The following SLC4A4 variants were observed in gnomAD, a reference collection of about 807,000 sequenced individuals.
SLC4A4 encodes electrogenic sodium bicarbonate cotransporter 1.
In SLC4A4, 27 loss-of-function variants were observed where a neutral mutation model predicts 111.5. The ratio of observed to expected loss-of-function variants is 0.24; its 90% CI spans 0.18 to 0.33. The LOEUF is 0.33. SLC4A4 is among the 10% of genes least tolerant of loss of function. The pLI, the probability that SLC4A4 is intolerant of heterozygous loss-of-function variation, is 1.00. For synonymous variants in SLC4A4, 443 were observed against 463.4 expected, an observed-to-expected ratio of 0.96 and a Z score of 0.57; for missense variants, 909 against 1,315.5, an observed-to-expected ratio of 0.69 and a Z score of 4.78.
chr4:71,526,552 T>G (rs1187629565), intron 16 of SLC4A4, among the ~76,000 whole-genome samples: 1 of 152,140 alleles, frequency 6.6e-6, no homozygotes, highest in Non-Finnish European at 1.5e-5. Flanking sequence ...TATATACATA[T>G]GTATTATGTA....
At chr4:71,444,087 G>A (rs1407008977) in intron 8 of SLC4A4, among the ~76,000 whole-genome samples, 2 of 152,174 alleles carry the variant, frequency 1.3e-5, no homozygotes, top group Non-Finnish European at 2.9e-5. Flanking sequence ...ATAAAGGATT[G>A]GTACATGCTG....
intron 2 of SLC4A4, among the ~76,000 whole-genome samples, chr4:71,178,555 C>T (rs1464713040): frequency 6.6e-6 from 1 of 152,142 alleles, no homozygotes; most frequent in Non-Finnish European, 1.5e-5. Context: ...TACAAACTAC[C>T]ATCAGAGAAT....
At chr4:71,567,765 T>TA (rs1248778347) in intron 25 of SLC4A4, 23 bp from the exon 26 acceptor site, 1 of 956,740 alleles carries the variant, frequency 1.0e-6, no homozygotes, top group Admixed American at 3.1e-5. Flanking sequence ...TACTTACTAC[T>TA]TTTTTTTTTC....
chr4:71,350,845 A>C (rs1418301657), intron 5 of SLC4A4, among the ~76,000 whole-genome samples: 6 of 152,172 alleles, frequency 3.9e-5, no homozygotes, highest in African/African-American at 1.4e-4. Flanking sequence ...CCATAATCCC[A>C]GGGTAGGCAC....
At chr4:71,332,540 G>T (rs371454853) in intron 3 of SLC4A4, among the ~76,000 whole-genome samples, 2 of 151,458 alleles carry the variant, frequency 1.3e-5, no homozygotes, top group African/African-American at 4.8e-5. Flanking sequence ...CGCCTTCCGG[G>T]TTCACGCCAT....
At chr4:71,420,995 T>C (rs564961024) in intron 7 of SLC4A4, among the ~76,000 whole-genome samples, 26 of 148,168 alleles carry the variant, frequency 1.8e-4, no homozygotes, top group African/African-American at 6.4e-4. Flanking sequence ...ATATTAACTT[T>C]AAATGTAAAT....
rs181067573 is a variant in SLC4A4 at position 71,147,294 on chromosome 4, T to G, written c.-2+54502T>G. 2.1e-3 allele frequency among the ~76,000 whole-genome samples: 321 copies of G among 152,280 alleles called. 3 individuals are homozygous for G. Among genetic ancestry groups the G allele is most frequent in the Middle Eastern group, 0.01 (3 of 294 alleles). ...TCTTAAATTTCTTTATTTTTCTTCC[T>G]TCTCCTTTATGTTTGCCTTTTCTCT... On this transcript the variant is annotated intron_variant, in intron 2 of 26. Coordinates refer to the SLC4A4 transcript ENST00000649996.
chr4:71,571,905 A>G lies in SLC4A4; in HGVS notation c.*4154A>G, dbSNP rs937033342. 2 of 152,310 alleles carry G rather than the reference A, an allele frequency of 1.3e-5. No homozygotes were observed. The highest frequency in any genetic ancestry group is 6.6e-5 in the Admixed American group (1 of 15,174). The allele number at this position is 152,310 out of a possible 1,614,324, so 9.4% of individuals were successfully genotyped here. ...GATAAAGAACAGAAAACATTTCAAT[A>G]TATTACTAATAACTTTTTCCAATAT... is the stretch of plus-strand genomic sequence containing the variant. On this transcript the variant is annotated 3_prime_UTR_variant, in exon 26 of 26. Transcript: ENST00000264485.
At chr4:71,500,617 G>A (rs955779390) in intron 16 of SLC4A4, among the ~76,000 whole-genome samples, 1 of 152,124 alleles carries the variant, frequency 6.6e-6, no homozygotes, top group African/African-American at 2.4e-5. Context: ...ACCCTGCGTG[G>A]CCTTAATCCA....
rs1354484246 is a variant in SLC4A4, at chr4:71,066,877, T to G, written c.-65+4089T>G. On this transcript the variant is annotated intron_variant, in intron 1 of 26. Coordinates refer to the SLC4A4 transcript ENST00000649996. ...CTTTGCTTATCCTATACCCCTCAAA[T>G]TTTGGCTTGTGCTGGGAGGGAGCTT... is the stretch of plus-strand genomic sequence containing the variant. Among the ~76,000 whole-genome samples the G allele has an allele frequency of 2.0e-5, 3 of 152,296 alleles. No homozygotes were observed. The East Asian group carries it at 5.8e-4, about 29-fold the overall frequency.
At chr4:71,162,774 G>A (rs1034059481) in intron 2 of SLC4A4, among the ~76,000 whole-genome samples, 4 of 152,324 alleles carry the variant, frequency 2.6e-5, no homozygotes, top group African/African-American at 9.6e-5. Flanking sequence ...CGGCTACCAT[G>A]TGTGGTCAAA....
At chr4:71,164,365 G>A (rs1218881474) in intron 2 of SLC4A4, among the ~76,000 whole-genome samples, 1 of 150,448 alleles carries the variant, frequency 6.6e-6, no homozygotes, top group Non-Finnish European at 1.5e-5. Flanking sequence ...GGGGAACAGA[G>A]GGAGACTCTG....
At chr4:71,148,860 C>T (rs1029504717) in intron 2 of SLC4A4, among the ~76,000 whole-genome samples, 1 of 152,024 alleles carries the variant, frequency 6.6e-6, no homozygotes, top group Non-Finnish European at 1.5e-5. Flanking sequence ...ATATGCATGC[C>T]TGTGTCTTTA....
chr4:71,376,069 A>T (rs1180974203), intron 6 of SLC4A4, among the ~76,000 whole-genome samples: 1 of 148,312 alleles, frequency 6.7e-6, no homozygotes, highest in Non-Finnish European at 1.5e-5. Context: ...ATATATACAT[A>T]TACACGTATA....
intron 3 of SLC4A4, among the ~76,000 whole-genome samples, chr4:71,264,700 T>C (rs898725271): frequency 3.3e-5 from 5 of 152,122 alleles, no homozygotes; most frequent in Non-Finnish European, 7.4e-5. Flanking sequence ...CTAATTGTAC[T>C]TTGTTACTTC....
intron 1 of SLC4A4, among the ~76,000 whole-genome samples, chr4:71,198,411 T>C (rs1746103844): frequency 6.6e-6 from 1 of 152,216 alleles, no homozygotes; most frequent in African/African-American, 2.4e-5. Context: ...ATCTGAACTT[T>C]ATGCAGTCTT....
chr4:71,327,013 G>A (rs1727554414), intron 3 of SLC4A4, among the ~76,000 whole-genome samples: 1 of 151,928 alleles, frequency 6.6e-6, no homozygotes, highest in African/African-American at 2.4e-5. Flanking sequence ...TGTGGACTCT[G>A]CAAAGAAGAA....
chr4:71,361,630 A>G (rs924150965), intron 6 of SLC4A4, among the ~76,000 whole-genome samples: 1 of 152,192 alleles, frequency 6.6e-6, no homozygotes, highest in Non-Finnish European at 1.5e-5. Flanking sequence ...ATTTATCACT[A>G]TTGTTTTAGG....
At chr4:71,408,558 C>T (rs1402983601) in intron 7 of SLC4A4, among the ~76,000 whole-genome samples, 1 of 152,120 alleles carries the variant, frequency 6.6e-6, no homozygotes, top group Admixed American at 6.6e-5. Context: ...GGAGTTCATG[C>T]TCTTAACTTC....
Sources: allele counts gnomAD v4.1 joint callset (sites outside exome capture counted in the v4.1 genomes callset), GRCh38; gene constraint gnomAD v4.1.1; transcripts MANE v1.5; gene names NCBI Gene and HGNC (gene_info 2026-07-23, HGNC 2026-07-21).